The following CCSER1 variants were observed in gnomAD, a reference collection of about 807,000 sequenced individuals.
CCSER1 encodes the protein coiled-coil serine rich protein 1.
In CCSER1, 41 loss-of-function variants were observed where a neutral mutation model predicts 82.0. The observed-to-expected ratio is 0.50, with a 90% CI of 0.39 to 0.65. The LOEUF (loss-of-function observed/expected upper bound fraction) is 0.65. Among genes scored for constraint, CCSER1 ranks in the 30% least tolerant of loss-of-function variants. CCSER1 has a pLI of 0.00. For missense variants in CCSER1, 1,119 were observed against 1,064.2 expected (o/e 1.05, Z -0.72); for synonymous variants, 414 against 383.9 (o/e 1.08, Z -0.92).
chr4:90,209,519 C>T (rs1007709372), intron 1 of CCSER1, among the ~76,000 whole-genome samples: 1 of 152,128 alleles, frequency 6.6e-6, no homozygotes, highest in African/African-American at 2.4e-5. Context: ...CGTATGTCTG[C>T]ACTACCAGAG....
chr4:91,165,253 G>T (rs996559848), intron 10 of CCSER1, among the ~76,000 whole-genome samples: 2 of 152,192 alleles, frequency 1.3e-5, no homozygotes, highest in Admixed American at 1.3e-4. Flanking sequence ...GCCTGGGTAT[G>T]ACCAGCGGAG....
At position 90,321,761 on chromosome 4, in the gene CCSER1, T is replaced by C. The variant is rs1364974413; in HGVS notation, c.1509+8714T>C. 2.0e-5 allele frequency among the ~76,000 whole-genome samples: 3 copies of C among 152,194 alleles called. No individual in the cohort carries two copies. The East Asian group carries it at 5.8e-4, about 29-fold the overall frequency. On this transcript the variant is annotated intron_variant, in intron 3 of 10. Transcript: ENST00000509176. ...TCGTTTGGATAAAAGACACTTTTTA[T>C]ATGCCTGTTGTCCATTTGCTTGTCT...
At chr4:90,735,007 C>T (rs983134207) in intron 7 of CCSER1, among the ~76,000 whole-genome samples, 1 of 152,020 alleles carries the variant, frequency 6.6e-6, no homozygotes, top group African/African-American at 2.4e-5. Context: ...CTTCTATACT[C>T]AGTTTTTTAG....
intron 1 of CCSER1, among the ~76,000 whole-genome samples, chr4:90,191,319 G>A (rs1311833460): frequency 6.6e-6 from 1 of 151,934 alleles, no homozygotes; most frequent in African/African-American, 2.4e-5. Context: ...ATAAAACCTG[G>A]TGTGAAGCAC....
intron 9 of CCSER1, among the ~76,000 whole-genome samples, chr4:91,075,601 TCAGA>T (rs752988225): frequency 2.6e-5 from 4 of 152,134 alleles, no homozygotes; most frequent in Non-Finnish European, 5.9e-5. Flanking sequence ...TTTTGAAGAG[TCAGA>T]CAAATTGTCT....
intron 10 of CCSER1, among the ~76,000 whole-genome samples, chr4:91,508,031 A>G (rs973871797): frequency 4.7e-5 from 7 of 149,172 alleles, no homozygotes; most frequent in African/African-American, 1.7e-4. Flanking sequence ...TCATCTCTCA[A>G]TAAAGAAAGT....
At chr4:91,544,376 GAA>G (rs879808151) in intron 10 of CCSER1, among the ~76,000 whole-genome samples, 1 of 152,190 alleles carries the variant, frequency 6.6e-6, no homozygotes, top group Non-Finnish European at 1.5e-5. Flanking sequence ...CTTTGGAAGA[GAA>G]GAGATGCTCT....
intron 1 of CCSER1, among the ~76,000 whole-genome samples, chr4:90,237,784 A>T (rs975494043): frequency 6.6e-6 from 1 of 152,168 alleles, no homozygotes; most frequent in East Asian, 1.9e-4. Flanking sequence ...AATAACGACA[A>T]CATCTTAATT....
In CCSER1 at chr4:90,262,964, G is replaced by A. The variant is rs940289772; in HGVS notation, c.-41-45280G>A. On this transcript the variant is annotated intron_variant, in intron 1 of 10. Transcript: ENST00000509176. ...GAAGGCTGTCTATAGATGTGTCCTC[G>A]CTGAGTTCCTGTGGGAGGAGTCTCA... Among the ~76,000 whole-genome samples the A allele has an allele frequency of 1.2e-4, 19 of 152,212 alleles. No homozygotes were observed. The South Asian group carries it at 1.7e-3, about 13-fold the overall frequency.
At chr4:90,982,873 G>GA (rs1262771433) in intron 9 of CCSER1, among the ~76,000 whole-genome samples, 2 of 151,266 alleles carry the variant, frequency 1.3e-5, no homozygotes, top group Non-Finnish European at 3.0e-5. Flanking sequence ...ACAAAACAAA[G>GA]AAAAAAAAGA....
intron 3 of CCSER1, among the ~76,000 whole-genome samples, chr4:90,348,556 A>G (rs1742833433): frequency 6.6e-6 from 1 of 152,234 alleles, no homozygotes; most frequent in South Asian, 2.1e-4. Context: ...TACTGTCTCT[A>G]TCTGTTTTTA....
At chr4:90,787,001 T>C (rs1194684684) in intron 7 of CCSER1, among the ~76,000 whole-genome samples, 2 of 152,196 alleles carry the variant, frequency 1.3e-5, no homozygotes, top group African/African-American at 4.8e-5. Context: ...TACCAGTTTA[T>C]TATAAAGAAT....
intron 10 of CCSER1, among the ~76,000 whole-genome samples, chr4:91,459,943 G>A (rs12646710): frequency 0.11 from 16,720 of 152,062 alleles, 986 homozygotes; most frequent in African/African-American, 0.12. Context: ...CATTGACTAA[G>A]AAAAAAGCCT....
rs144408132 is a variant in CCSER1 at position 90,613,874 on chromosome 4, T to C, written c.1725-14151T>C. Reference sequence around the variant, plus strand: ...TTCTAAGAAGTTGGCTCTAAGAACATGAATAGTTTATTTAACAGTGCTCCT... The same window carrying C: ...TTCTAAGAAGTTGGCTCTAAGAACACGAATAGTTTATTTAACAGTGCTCCT... On this transcript the variant is annotated intron_variant, in intron 5 of 10. Coordinates refer to ENST00000509176, the MANE Select transcript of CCSER1 (RefSeq NM_001145065.2). 6.4e-4 allele frequency among the ~76,000 whole-genome samples: 98 copies of C among 152,314 alleles called. No individual in the cohort carries two copies. In the East Asian group the frequency reaches 0.017, roughly 26 times the overall value.
intron 9 of CCSER1, among the ~76,000 whole-genome samples, chr4:90,962,794 T>G (rs1282165522): frequency 1.3e-5 from 2 of 152,154 alleles, no homozygotes; most frequent in Non-Finnish European, 2.9e-5. Context: ...TGTTTTTTTC[T>G]ACACTGTAGC....
intron 10 of CCSER1, among the ~76,000 whole-genome samples, chr4:91,317,613 T>A (rs1745924557): frequency 6.6e-6 from 1 of 151,874 alleles, no homozygotes; most frequent in East Asian, 1.9e-4. Context: ...CGTGTGTGTG[T>A]GTGTGCGCAT....
At chr4:90,459,206 G>T (rs189562228) in intron 4 of CCSER1, among the ~76,000 whole-genome samples, 1 of 152,038 alleles carries the variant, frequency 6.6e-6, no homozygotes, top group Admixed American at 6.6e-5. Context: ...GGGAAGGAGG[G>T]AACCATAATG....
chr4:90,774,417 A>G (rs909407135), intron 7 of CCSER1, among the ~76,000 whole-genome samples: 12 of 152,108 alleles, frequency 7.9e-5, no homozygotes, highest in Non-Finnish European at 1.3e-4. Flanking sequence ...GAAGCCTCAC[A>G]CTATTAGAAG....
At chr4:91,367,721 C>T (rs1208547431) in intron 10 of CCSER1, among the ~76,000 whole-genome samples, 12 of 152,170 alleles carry the variant, frequency 7.9e-5, no homozygotes, top group African/African-American at 2.9e-4. Context: ...CTCAATACTA[C>T]CTGATTCTCA....
Sources: allele counts gnomAD v4.1 joint callset (sites outside exome capture counted in the v4.1 genomes callset), GRCh38; gene constraint gnomAD v4.1.1; transcripts MANE v1.5; gene names NCBI Gene and HGNC (gene_info 2026-07-23, HGNC 2026-07-21).